The following DDX10 variants were observed in gnomAD, a reference collection of about 807,000 sequenced individuals.
The protein encoded by DDX10 is DEAD-box helicase 10, also known as probable ATP-dependent RNA helicase DDX10.
DDX10 carries 74 observed loss-of-function variants against 104.3 expected under a neutral mutation model. The ratio of observed to expected loss-of-function variants is 0.71; its 90% CI spans 0.59 to 0.86. The LOEUF is 0.86. Ranked by LOEUF, DDX10 falls within the 40% of genes least tolerant of loss-of-function variation. DDX10 has a pLI of 0.00. For synonymous variants in DDX10, 351 were observed against 353.4 expected (o/e 0.99, Z 0.08); for missense variants, 952 against 1,040.0 (o/e 0.92, Z 1.16).
At chr11:108,866,717 T>A (rs1863012173) in intron 16 of DDX10, among the ~76,000 whole-genome samples, 1 of 152,210 alleles carries the variant, frequency 6.6e-6, no homozygotes, top group Non-Finnish European at 1.5e-5. Flanking sequence ...CTAAGGCATG[T>A]CATTTAGTCC....
intron 13 of DDX10, among the ~76,000 whole-genome samples, chr11:108,822,861 C>T (rs947556111): frequency 6.6e-6 from 1 of 152,224 alleles, no homozygotes; most frequent in Non-Finnish European, 1.5e-5. Flanking sequence ...AGGTCTAGCA[C>T]TAAGATGTTT....
intron 16 of DDX10, among the ~76,000 whole-genome samples, chr11:108,859,479 C>T (rs552644502): frequency 1.3e-5 from 2 of 152,058 alleles, no homozygotes; most frequent in South Asian, 4.2e-4. Flanking sequence ...GTACATATCC[C>T]TTTGTTTATG....
intron 13 of DDX10, among the ~76,000 whole-genome samples, chr11:108,734,248 A>AGT (rs2094315735): frequency 1.3e-5 from 2 of 152,110 alleles, no homozygotes; most frequent in Admixed American, 6.6e-5. Flanking sequence ...AGACTACTGT[A>AGT]CTCCGAATTT....
At chr11:108,684,510 T>C (rs2094240598) in intron 6 of DDX10, among the ~76,000 whole-genome samples, 1 of 149,842 alleles carries the variant, frequency 6.7e-6, no homozygotes, top group South Asian at 2.2e-4. Flanking sequence ...TTCATCCATG[T>C]CCCTACAAAG....
intron 9 of DDX10, among the ~76,000 whole-genome samples, chr11:108,704,679 C>T (rs765428652): frequency 3.9e-5 from 6 of 152,056 alleles, no homozygotes; most frequent in Non-Finnish European, 8.8e-5. Context: ...TGTTAGTGAA[C>T]GAAGATGAAG....
chr11:108,857,459 G>A (rs1389318465), intron 16 of DDX10, among the ~76,000 whole-genome samples: 3 of 152,072 alleles, frequency 2.0e-5, no homozygotes, highest in African/African-American at 4.8e-5. Context: ...AACTACTCCC[G>A]TGGTCCCCTG....
At chr11:108,665,826 C>G (rs1248207311) in intron 1 of DDX10, among the ~76,000 whole-genome samples, 1 of 152,152 alleles carries the variant, frequency 6.6e-6, no homozygotes, top group Non-Finnish European at 1.5e-5. Flanking sequence ...TTTCTAATCC[C>G]AAAGCCTTTG....
At chr11:108,796,247 C>G (rs1565280982) in intron 13 of DDX10, among the ~76,000 whole-genome samples, 1 of 152,168 alleles carries the variant, frequency 6.6e-6, no homozygotes, top group Non-Finnish European at 1.5e-5. Context: ...ATCAGTTTTA[C>G]TGACGTTTCA....
intron 13 of DDX10, among the ~76,000 whole-genome samples, chr11:108,775,588 T>C (rs1292560912): frequency 6.6e-6 from 1 of 152,218 alleles, no homozygotes; most frequent in African/African-American, 2.4e-5. Context: ...AGGGAATGCA[T>C]TGACTTTCTC....
chr11:108,844,013 T>C (rs927548041), intron 15 of DDX10, among the ~76,000 whole-genome samples: 3 of 152,242 alleles, frequency 2.0e-5, no homozygotes, highest in African/African-American at 4.8e-5. Flanking sequence ...GAACACAGCA[T>C]GTGATTTTTT....
intron 13 of DDX10, among the ~76,000 whole-genome samples, chr11:108,766,995 T>C (rs192124854): frequency 6.6e-5 from 10 of 152,320 alleles, no homozygotes; most frequent in African/African-American, 2.2e-4. Context: ...TTGATGTCTT[T>C]TAAGTGGTTG....
chr11:108,744,710 G>C (rs2094329260), intron 13 of DDX10, among the ~76,000 whole-genome samples: 1 of 152,138 alleles, frequency 6.6e-6, no homozygotes, highest in Admixed American at 6.6e-5. Context: ...CTTACATAGT[G>C]ACACAGGACA....
intron 16 of DDX10, among the ~76,000 whole-genome samples, chr11:108,890,584 G>C (rs61915182): frequency 3.3e-5 from 5 of 150,006 alleles, no homozygotes; most frequent in Non-Finnish European, 5.9e-5. Flanking sequence ...AAAAAAAAAG[G>C]CCTCTACCCT....
At chr11:108,693,043 C>T (rs1009057615) in intron 8 of DDX10, among the ~76,000 whole-genome samples, 56 of 152,266 alleles carry the variant, frequency 3.7e-4, no homozygotes, top group African/African-American at 1.3e-3. Context: ...CTATCCCTCC[C>T]CTAGTCCCCC....
intron 13 of DDX10, among the ~76,000 whole-genome samples, chr11:108,802,010 G>GGTGTGTGT (rs111450290): frequency 0.03 from 4,327 of 141,968 alleles, 105 homozygotes; most frequent in African/African-American, 0.065. Context: ...AAGTGAGTGG[G>GGTGTGTGT]GTGTGTGTGT....
chr11:108,706,028 G>A (rs554930267), intron 9 of DDX10, among the ~76,000 whole-genome samples: 49 of 152,098 alleles, frequency 3.2e-4, no homozygotes, highest in Admixed American at 7.2e-4. Flanking sequence ...CTGGAGTGCA[G>A]TGGCATGATC....
intron 6 of DDX10, among the ~76,000 whole-genome samples, chr11:108,680,763 T>G (rs545731880): frequency 1.8e-4 from 27 of 152,222 alleles, no homozygotes; most frequent in Non-Finnish European, 3.7e-4. Context: ...TGGAAATTCC[T>G]TAAATAGAGA....
At chr11:108,697,776 A>G (rs1051777411) in intron 9 of DDX10, among the ~76,000 whole-genome samples, 1 of 152,236 alleles carries the variant, frequency 6.6e-6, no homozygotes, top group Non-Finnish European at 1.5e-5. Context: ...TACAAAACCA[A>G]GCTCTTCCAG....
At chr11:108,839,105 A>G (rs762488460) in intron 14 of DDX10, among the ~76,000 whole-genome samples, 1 of 152,196 alleles carries the variant, frequency 6.6e-6, no homozygotes, top group Admixed American at 6.5e-5. Flanking sequence ...GGAAGGGATT[A>G]CCACTCACAG....
Sources: gnomAD v4.1 joint callset for allele counts (sites outside exome capture counted in the v4.1 genomes callset) on GRCh38, gnomAD v4.1.1 for gene constraint, MANE v1.5 for transcripts, NCBI Gene and HGNC (gene_info 2026-07-23, HGNC 2026-07-21) for gene names.